The following RAD23B variants were observed in gnomAD, a reference collection of about 807,000 sequenced individuals.
RAD23B encodes the protein lysine-specific demethylase RAD23B.
RAD23B carries 5 observed loss-of-function variants against 49.1 expected under a neutral mutation model. The observed-to-expected ratio is 0.10, with a 90% CI of 0.05 to 0.21. The LOEUF is 0.21. Among genes scored for constraint, RAD23B ranks in the 10% least tolerant of loss-of-function variants. RAD23B has a pLI of 1.00. For synonymous variants in RAD23B, 184 were observed against 165.4 expected (o/e 1.11, Z -0.86); for missense variants, 356 against 486.7 (o/e 0.73, Z 2.53).
intron 7 of RAD23B, 111 bp from the exon 8 acceptor site, chr9:107,323,779 G>T: frequency 9.8e-7 from 1 of 1,024,626 alleles, no homozygotes; most frequent in Non-Finnish European, 1.5e-6. Context: ...TTACATCTGA[G>T]AACTCAAATC....
At chr9:107,322,529 G>C (rs999195817) in intron 7 of RAD23B, among the ~76,000 whole-genome samples, 2 of 152,210 alleles carry the variant, frequency 1.3e-5, no homozygotes, top group South Asian at 2.1e-4. Flanking sequence ...AAATGAAACC[G>C]TGAGAGGTTT....
chr9:107,317,172 A>G (rs16912372), intron 5 of RAD23B, among the ~76,000 whole-genome samples: 10,331 of 152,188 alleles, frequency 0.068, 419 homozygotes, highest in African/African-American at 0.1. Context: ...TATGGAGACA[A>G]GAGTTGGAAA....
intron 5 of RAD23B, among the ~76,000 whole-genome samples, chr9:107,313,457 C>T (rs1245540127): frequency 6.6e-6 from 1 of 152,142 alleles, no homozygotes; most frequent in African/African-American, 2.4e-5. Context: ...AATCTCCTGA[C>T]CTTGTGATCT....
chr9:107,299,350 T>A (rs1336824088), intron 1 of RAD23B, among the ~76,000 whole-genome samples: 1 of 152,250 alleles, frequency 6.6e-6, no homozygotes, highest in Non-Finnish European at 1.5e-5. Context: ...GAAAGCCATC[T>A]CTGCCTTTTT....
At chr9:107,284,815 T>G in intron 1 of RAD23B, 1 of 1,212,092 alleles carries the variant, frequency 8.3e-7, no homozygotes, top group Non-Finnish European at 1.1e-6. Flanking sequence ...ATTTGTGGTT[T>G]TGTAACTTAT....
intron 4 of RAD23B, among the ~76,000 whole-genome samples, chr9:107,311,029 T>G (rs1826878449): frequency 6.6e-6 from 1 of 152,224 alleles, no homozygotes; most frequent in African/African-American, 2.4e-5. Flanking sequence ...AACTTAAGTT[T>G]ATATTTCTTT....
chr9:107,284,216 CT>C, intron 1 of RAD23B: 1 of 985,840 alleles, frequency 1.0e-6, no homozygotes, highest in Non-Finnish European at 1.2e-6. Flanking sequence ...GAATTTGCCC[CT>C]TTCCCCTCAG....
chr9:107,309,938 A>AAAAC (rs1334220680), intron 4 of RAD23B, among the ~76,000 whole-genome samples: 7 of 150,996 alleles, frequency 4.6e-5, no homozygotes, highest in Non-Finnish European at 1.0e-4. Flanking sequence ...CTCAAAAAAA[A>AAAAC]AAAAAAAAAA....
intron 3 of RAD23B, among the ~76,000 whole-genome samples, chr9:107,306,090 T>C (rs1474203537): frequency 3.1e-5 from 4 of 127,674 alleles, no homozygotes; most frequent in Non-Finnish European, 5.3e-5. Context: ...TCTATATATA[T>C]TTCAAATTTT....
At chr9:107,321,364 G>T (rs976833497) in intron 6 of RAD23B, among the ~76,000 whole-genome samples, 1 of 152,128 alleles carries the variant, frequency 6.6e-6, no homozygotes, top group Non-Finnish European at 1.5e-5. Context: ...TACTTTCTGA[G>T]TGACACTTTC....
intron 1 of RAD23B, among the ~76,000 whole-genome samples, chr9:107,298,595 TGCTGGGATTACAG>T (rs1826583028): frequency 1.4e-5 from 2 of 146,874 alleles, no homozygotes; most frequent in African/African-American, 5.1e-5. Context: ...CCTCCCAAAG[TGCTGGGATTACAG>T]GCATCAGCCA....
intron 4 of RAD23B, among the ~76,000 whole-genome samples, chr9:107,309,743 A>C (rs1193909586): frequency 6.6e-6 from 1 of 152,124 alleles, no homozygotes; most frequent in Non-Finnish European, 1.5e-5. Context: ...CATCCTGGCT[A>C]ACACAGTGAA....
chr9:107,298,170 G>A (rs988906571), intron 1 of RAD23B, among the ~76,000 whole-genome samples: 7 of 152,164 alleles, frequency 4.6e-5, no homozygotes, highest in African/African-American at 1.7e-4. Context: ...CTCCACCCAT[G>A]CTCTGCCATC....
At chr9:107,327,456 G>A (rs946954219) in intron 9 of RAD23B, among the ~76,000 whole-genome samples, 1 of 152,070 alleles carries the variant, frequency 6.6e-6, no homozygotes, top group Admixed American at 6.5e-5. Context: ...ATAAGTTTTA[G>A]TATGTTGTAT....
At chr9:107,309,892 C>T (rs1826855118) in intron 4 of RAD23B, among the ~76,000 whole-genome samples, 1 of 142,768 alleles carries the variant, frequency 7.0e-6, no homozygotes, top group Non-Finnish European at 1.5e-5. Context: ...GATTGCGCCG[C>T]TGCACTCCAG....
rs376781966 is a variant in RAD23B at position 107,318,843 on chromosome 9, C to T, written c.645C>T (p.Phe215=). 2 of 1,613,722 alleles carry T rather than the reference C, an allele frequency of 1.2e-6. No homozygotes were observed. Among genetic ancestry groups the T allele is most frequent in the Non-Finnish European group, 1.7e-6 (2 of 1,179,674 alleles). Reference sequence around the variant, plus strand: ...TAATTGCAGCCCTGAGAGCCAGTTTCAACAACCCTGACAGAGCAGTGGAGT... The same window carrying T: ...TAATTGCAGCCCTGAGAGCCAGTTTTAACAACCCTGACAGAGCAGTGGAGT... The part of the protein sequence containing the change: ...EQVIAALRAS[F]NNPDRAVEYL... The change falls in exon 6 of 10, where the codon TTC becomes TTT. Residue 215 remains phenylalanine (F), a synonymous_variant. Coordinates refer to ENST00000358015, the MANE Select transcript of RAD23B (RefSeq NM_002874.5). This position sits in a 1 kb window ranked among gnomAD's most constrained non-coding sequence, Gnocchi z 4.3.
Position 107,322,136 on chromosome 9 carries a change from G to T in RAD23B, c.817+18G>T, listed in dbSNP as rs11573700. The T allele has an allele frequency of 2.5e-6, 4 of 1,573,466 alleles. No individual in the cohort carries two copies. The highest frequency in any genetic ancestry group is 3.5e-6 in the Non-Finnish European group (4 of 1,158,566). ...TTCTGGAGGTAAAGCGGAATCTTCT[G>T]GATGGGGAGGGAATGGCCCTGAATT... On this transcript the variant is annotated intron_variant, in intron 7 of 9. Transcript: ENST00000358015.
In RAD23B at chr9:107,329,581, A is replaced by G; in HGVS notation, c.1155A>G (p.Gln385=). 2 of 1,613,232 alleles carry G rather than the reference A, an allele frequency of 1.2e-6. No individual in the cohort carries two copies. Among genetic ancestry groups the G allele is most frequent in the East Asian group, 2.2e-5 (1 of 44,858 alleles). ...ALGFPEGLVI[Q]AYFACEKNEN... is the part of the protein sequence containing the mutation. ...GATTTCCTGAAGGACTTGTGATACA[A>G]GCGTATTTTGCTTGTGAGAAGAATG... is the stretch of plus-strand genomic sequence containing the variant. Residue 385 remains glutamine (Q), a synonymous_variant, in exon 10 of 10, where the codon CAA becomes CAG. Transcript: ENST00000358015.
At chr9:107,306,910 CA>C (rs1231310229) in intron 4 of RAD23B, among the ~76,000 whole-genome samples, 5 of 10,784 alleles carry the variant, frequency 4.6e-4, no homozygotes, top group East Asian at 2.1e-3. Flanking sequence ...AGGTGAAAGT[CA>C]TTTTTTTTTT....
Sources: gnomAD v4.1 joint callset for allele counts (sites outside exome capture counted in the v4.1 genomes callset) on GRCh38, gnomAD v4.1.1 for gene constraint, Gnocchi (gnomAD v3.1) non-coding constraint, MANE v1.5 for transcripts, NCBI Gene and HGNC (gene_info 2026-07-23, HGNC 2026-07-21) for gene names.